Variants in ROBO1 observed in about 807,000 individuals in gnomAD.
The protein encoded by ROBO1 is roundabout guidance receptor 1.
Under a neutral mutation model 195.9 loss-of-function variants are expected in ROBO1, and 149 were observed. That is an observed-to-expected ratio of 0.76 (90% CI 0.67 to 0.87). ROBO1 has a LOEUF of 0.87. Among genes scored for constraint, ROBO1 ranks in the 40% least tolerant of loss-of-function variants. The pLI is 0.00. For synonymous variants in ROBO1, 816 were observed against 733.2 expected (o/e 1.11, Z -1.82); for missense variants, 1,933 against 2,068.3 (o/e 0.93, Z 1.27).
intron 1 of ROBO1, among the ~76,000 whole-genome samples, chr3:79,590,201 T>C (rs1943955192): frequency 6.6e-6 from 1 of 151,832 alleles, no homozygotes; most frequent in Admixed American, 6.6e-5. Context: ...TAATCATAAA[T>C]GATTCCTGGT....
At chr3:78,832,021 A>C (rs1202546000) in intron 4 of ROBO1, among the ~76,000 whole-genome samples, 1 of 77,278 alleles carries the variant, frequency 1.3e-5, no homozygotes, top group Non-Finnish European at 3.3e-5. Flanking sequence ...AGGTATGAGG[A>C]AATGATAAAT....
intron 3 of ROBO1, among the ~76,000 whole-genome samples, chr3:79,012,286 A>G (rs1332368479): frequency 6.6e-6 from 1 of 152,196 alleles, no homozygotes; most frequent in Non-Finnish European, 1.5e-5. Flanking sequence ...CAAAAAGACT[A>G]TATTCCCACT....
chr3:79,043,794 A>C (rs2078533701), intron 3 of ROBO1, among the ~76,000 whole-genome samples: 1 of 152,130 alleles, frequency 6.6e-6, no homozygotes, highest in Non-Finnish European at 1.5e-5. Context: ...GAGGGTTACA[A>C]ATTCCAAAGT....
chr3:79,717,623 G>A (rs1236988671), intron 1 of ROBO1, among the ~76,000 whole-genome samples: 1 of 151,872 alleles, frequency 6.6e-6, no homozygotes, highest in Non-Finnish European at 1.5e-5. Flanking sequence ...TAATTCAATG[G>A]TTACATCAGT....
intron 2 of ROBO1, among the ~76,000 whole-genome samples, chr3:79,178,120 C>A (rs1467967021): frequency 5.3e-5 from 8 of 152,184 alleles, no homozygotes; most frequent in African/African-American, 1.9e-4. Flanking sequence ...ATATGTATAT[C>A]TATCTATCTA....
chr3:79,215,034 A>G (rs1007187778), intron 2 of ROBO1, among the ~76,000 whole-genome samples: 2 of 151,974 alleles, frequency 1.3e-5, no homozygotes, highest in African/African-American at 4.8e-5. Context: ...GCCAAACGCA[A>G]GCTCCCTTTG....
At chr3:79,682,018 A>G (rs1037847047) in intron 1 of ROBO1, among the ~76,000 whole-genome samples, 2 of 152,022 alleles carry the variant, frequency 1.3e-5, no homozygotes, top group Non-Finnish European at 2.9e-5. Context: ...TTAGCAGAAC[A>G]TAGAACAATC....
Position 78,778,595 on chromosome 3 carries a change from A to C in ROBO1, c.500-31695T>G, listed in dbSNP as rs536962187. Reference sequence around the variant, plus strand: ...GAAGGACCTCTTCAAGGAGAACTACAAACTACTGCTCAAGGAAATAAAAGA... The same window carrying C: ...GAAGGACCTCTTCAAGGAGAACTACCAACTACTGCTCAAGGAAATAAAAGA... On this transcript the variant is annotated intron_variant, in intron 4 of 30. Transcript: ENST00000464233. Among the ~76,000 whole-genome samples the C allele has an allele frequency of 3.9e-5, 6 of 152,330 alleles. No individual in the cohort carries two copies. The South Asian group carries it at 1.0e-3, about 26-fold the overall frequency.
intron 2 of ROBO1, among the ~76,000 whole-genome samples, chr3:79,575,348 TA>T (rs1450898364): frequency 7.9e-6 from 1 of 126,110 alleles, no homozygotes; most frequent in Non-Finnish European, 1.6e-5. Context: ...ATAACCAATA[TA>T]TATAAATATG....
intron 1 of ROBO1, among the ~76,000 whole-genome samples, chr3:79,600,306 T>C (rs1019569499): frequency 2.6e-5 from 4 of 152,012 alleles, no homozygotes; most frequent in Non-Finnish European, 5.9e-5. Flanking sequence ...AGATTTATCT[T>C]AGACTGATCA....
intron 4 of ROBO1, among the ~76,000 whole-genome samples, chr3:78,782,204 T>TC (rs2083697848): frequency 6.6e-6 from 1 of 152,156 alleles, no homozygotes; most frequent in East Asian, 1.9e-4. Flanking sequence ...CTTTTTTTTT[T>TC]CTTCTTTTTT....
chr3:79,223,951 TAAAC>T lies in ROBO1; in HGVS notation c.89-98416_89-98413del, dbSNP rs1167037529. Among the ~76,000 whole-genome samples, 9 of 152,184 alleles carry T rather than the reference TAAAC, an allele frequency of 5.9e-5. No individual in the cohort carries two copies. The East Asian group carries it at 1.7e-3, about 29-fold the overall frequency. ...GCAGAAAATCATTTCTGGGAAAACTTAAACAAATATATCCTTGTTTTATTCTAGG... is the reference window on the plus strand; with the variant it reads ...GCAGAAAATCATTTCTGGGAAAACTTAAATATATCCTTGTTTTATTCTAGG... On this transcript the variant is annotated intron_variant, in intron 2 of 30. Coordinates refer to ENST00000464233, the MANE Select transcript of ROBO1 (RefSeq NM_002941.4).
Position 78,611,485 on chromosome 3 carries a change from T to G in ROBO1, c.4435+3163A>C, listed in dbSNP as rs572594471. On this transcript the variant is annotated intron_variant, in intron 28 of 30. Transcript: ENST00000464233. ...ATCCTACCCTTTATCTGGGTTCAACTTGTAAGAGGCAAATATGGAATAAAT... is the reference window on the plus strand; with the variant it reads ...ATCCTACCCTTTATCTGGGTTCAACGTGTAAGAGGCAAATATGGAATAAAT... Among the ~76,000 whole-genome samples the G allele has an allele frequency of 5.3e-5, 8 of 152,296 alleles. No homozygotes were observed. In the East Asian group the frequency reaches 9.7e-4, roughly 18 times the overall value.
chr3:78,747,521 G>A (rs2082686787), intron 4 of ROBO1, among the ~76,000 whole-genome samples: 1 of 152,018 alleles, frequency 6.6e-6, no homozygotes, highest in Non-Finnish European at 1.5e-5. Context: ...CTGTTAGAAG[G>A]CACCAATATG....
intron 9 of ROBO1, among the ~76,000 whole-genome samples, chr3:78,687,109 T>C (rs1466678105): frequency 1.3e-5 from 2 of 152,046 alleles, no homozygotes; most frequent in Admixed American, 6.6e-5. Context: ...AGTTGTGTTA[T>C]TGAATGAAAC....
intron 2 of ROBO1, among the ~76,000 whole-genome samples, chr3:79,208,135 T>C (rs760211962): frequency 6.6e-6 from 1 of 152,194 alleles, no homozygotes; most frequent in Non-Finnish European, 1.5e-5. Flanking sequence ...ATATTTAGAA[T>C]AGTTTTCAAA....
chr3:79,040,867 GA>G (rs202022719), intron 3 of ROBO1, among the ~76,000 whole-genome samples: 5 of 151,052 alleles, frequency 3.3e-5, no homozygotes, highest in Non-Finnish European at 5.9e-5. Context: ...AACTGCTTAC[GA>G]AAAAAAAATT....
rs559426972 is a variant in ROBO1, at chr3:79,216,974, A to G, written c.89-91435T>C. Among the ~76,000 whole-genome samples, 3 of 152,194 alleles carry G rather than the reference A, an allele frequency of 2.0e-5. No individual in the cohort carries two copies. In the South Asian group the frequency reaches 6.2e-4, roughly 32 times the overall value. On this transcript the variant is annotated intron_variant, in intron 2 of 30. Transcript: ENST00000464233. The stretch of plus-strand genomic sequence containing the variant: ...ATTAAAGTAAGTCAATGCTAACCAC[A>G]TTAACCAGTAATAATCACAAATTTT...
chr3:79,728,671 T>C (rs2107339864), intron 1 of ROBO1, among the ~76,000 whole-genome samples: 1 of 152,304 alleles, frequency 6.6e-6, no homozygotes, highest in African/African-American at 2.4e-5. Context: ...TTTCCATGTA[T>C]TTGATGTAAT....
Sources: gnomAD v4.1 joint callset for allele counts (sites outside exome capture counted in the v4.1 genomes callset) on GRCh38, gnomAD v4.1.1 for gene constraint, MANE v1.5 for transcripts, NCBI Gene and HGNC (gene_info 2026-07-23, HGNC 2026-07-21) for gene names.